RCC1L: variants seen among roughly 807,000 people sequenced by gnomAD.
The protein encoded by RCC1L is RCC1-like G exchanging factor-like protein.
RCC1L carries 46 observed loss-of-function variants against 58.6 expected under a neutral mutation model. That is an observed-to-expected ratio of 0.79 (90% CI 0.62 to 1.00). RCC1L has a LOEUF of 1.00. RCC1L is among the 50% of genes least tolerant of loss of function. The pLI is 0.00. For missense variants in RCC1L, 636 were observed against 623.6 expected (o/e 1.02, Z -0.21); for synonymous variants, 281 against 262.9 (o/e 1.07, Z -0.67).
intron 10 of RCC1L, among the ~76,000 whole-genome samples, chr7:75,047,965 A>G (rs1805782565): frequency 6.8e-6 from 1 of 147,786 alleles, no homozygotes; most frequent in African/African-American, 2.4e-5. Context: ...AAAAAAAAAA[A>G]AAAAAAAAAA....
rs902969204 is a variant in RCC1L, at chr7:75,053,455, T to C, written c.1232-659A>G. Among the ~76,000 whole-genome samples, 102 of 152,306 alleles carry C rather than the reference T, an allele frequency of 6.7e-4. No individual in the cohort carries two copies. In the East Asian group the frequency reaches 0.019, roughly 28 times the overall value. On this transcript the variant is annotated intron_variant, in intron 9 of 10. Coordinates refer to ENST00000610322, the MANE Select transcript of RCC1L (RefSeq NM_030798.5). ...AGACAATTTGTCATTCCTGGATTGA[T>C]TGTCCATATCTTGGGAGCATTCAGC...
At chr7:75,036,478 C>T (rs1805433020) in intron 10 of RCC1L, among the ~76,000 whole-genome samples, 1 of 152,116 alleles carries the variant, frequency 6.6e-6, no homozygotes, top group Non-Finnish European at 1.5e-5. Context: ...AGGTGGCAGA[C>T]CAGCCACAAG....
At position 75,055,961 on chromosome 7, in the gene RCC1L, T is replaced by C. The variant is rs1264978358; in HGVS notation, c.1171A>G (p.Asn391Asp). ...PPTLFGLTEFNPEIQVSRIRC... is the reference protein window; with the variant it reads ...PPTLFGLTEFDPEIQVSRIRC... ...ATGCGGGAAACCTGGATTTCTGGGT[T>C]GAACTCCGTCAAGCCAAAGAGAGTG... is the stretch of plus-strand genomic sequence containing the variant. Residue 391 changes from asparagine (N) to aspartate (D), a missense_variant, in exon 9 of 11, where the codon AAC (asparagine) becomes GAC (aspartate). By Grantham distance (23) the Asn-to-Asp change is conservative (BLOSUM62 1). Transcript: ENST00000610322. 2 of 1,613,966 alleles carry C rather than the reference T, an allele frequency of 1.2e-6. No homozygotes were observed. Among genetic ancestry groups the C allele is most frequent in the East Asian group, 2.2e-5 (1 of 44,880 alleles).
Position 75,058,646 on chromosome 7 carries a change from A to C in RCC1L, c.911T>G (p.Leu304Arg). ...GTACTCCGAGTTTCCCCAACCAAAA[A>C]GTCCTCCGTCGGCGGACACGGCCAG... is the stretch of plus-strand genomic sequence containing the variant. ...CCLAVSADGG[L>R]FGWGNSEYLQ... Residue 304 changes from leucine (L) to arginine (R), a missense_variant, in exon 7 of 11, where the codon CTT becomes CGT. Coordinates refer to ENST00000610322, the MANE Select transcript of RCC1L (RefSeq NM_030798.5). 1.9e-6 allele frequency: 3 copies of C among 1,613,590 alleles called. No homozygotes were observed. The highest frequency in any genetic ancestry group is 2.5e-6 in the Non-Finnish European group (3 of 1,179,716).
intron 10 of RCC1L, among the ~76,000 whole-genome samples, chr7:75,049,297 T>C (rs1211412255): frequency 6.8e-6 from 1 of 146,536 alleles, no homozygotes; most frequent in African/African-American, 2.8e-5. Flanking sequence ...GAGGCAGAAG[T>C]TTGAGACCAG....
chr7:75,071,845 G>A lies in RCC1L; in HGVS notation c.325-1076C>T, dbSNP rs587704702. Among the ~76,000 whole-genome samples, 119 of 151,878 alleles carry A rather than the reference G, an allele frequency of 7.8e-4. 1 individual carries two copies. Among genetic ancestry groups the A allele is most frequent in the Non-Finnish European group, 8.8e-4 (60 of 67,992 alleles). On this transcript the variant is annotated intron_variant, in intron 1 of 10. Coordinates refer to ENST00000610322, the MANE Select transcript of RCC1L (RefSeq NM_030798.5). ...ACCATCTCTCTCACTAAGCTGTTGT[G>A]AAGACTAAACGAGTTAATATAGCTA...
chr7:75,033,463 G>A (rs907507345), intron 10 of RCC1L, among the ~76,000 whole-genome samples: 2 of 152,148 alleles, frequency 1.3e-5, no homozygotes, highest in African/African-American at 4.8e-5. Flanking sequence ...TTGGGAGGCC[G>A]AGGCAGGCAG....
rs142341359 is a variant in RCC1L, at chr7:75,055,920, G to A, written c.1212C>T (p.Ser404=). ...IQVSRIRCGL[S]HFAALTNKGE... is the part of the protein sequence containing the mutation. ...ACTTACTGGTCAGTGCAGCAAAGTG[G>A]CTGAGTCCACATCGGATGCGGGAAA... The change falls in exon 9 of 11, where the codon AGC becomes AGT. Residue 404 remains serine, a synonymous_variant. Transcript: ENST00000610322. 1.2e-6 allele frequency: 2 copies of A among 1,613,856 alleles called. No homozygotes were observed. Among genetic ancestry groups the A allele is most frequent in the African/African-American group, 2.7e-5 (2 of 74,918 alleles).
chr7:75,031,793 GT>G (rs1194028393), intron 10 of RCC1L, among the ~76,000 whole-genome samples: 130 of 152,320 alleles, frequency 8.5e-4, no homozygotes, highest in South Asian at 7.9e-3. Context: ...AATTCAGGAA[GT>G]TTGGCTGAGT....
intron 10 of RCC1L, among the ~76,000 whole-genome samples, chr7:75,043,567 C>A (rs1805628636): frequency 1.3e-5 from 2 of 152,180 alleles, no homozygotes; most frequent in Non-Finnish European, 2.9e-5. Context: ...CTATGGCTCA[C>A]TAAGAAGCTC....
intron 3 of RCC1L, among the ~76,000 whole-genome samples, chr7:75,065,558 TAA>T (rs55907118): frequency 1.3e-5 from 2 of 150,612 alleles, no homozygotes; most frequent in Non-Finnish European, 3.0e-5. Context: ...CCGTCTCAGA[TAA>T]AAAAAAAGAA....
At chr7:75,061,150 C>A (rs935338067) in intron 6 of RCC1L, 57 bp downstream of exon 6, 2 of 1,430,212 alleles carry the variant, frequency 1.4e-6, no homozygotes, top group East Asian at 4.6e-5. Context: ...CAGCTCACAG[C>A]TCCACATGAC....
intron 10 of RCC1L, among the ~76,000 whole-genome samples, chr7:75,049,646 C>G (rs587633096): frequency 6.7e-6 from 1 of 148,194 alleles, no homozygotes; most frequent in Non-Finnish European, 1.5e-5. Context: ...CCAGCCTGGG[C>G]GACAAAGCAA....
At chr7:75,029,856 G>C (rs1805252056) in intron 10 of RCC1L, among the ~76,000 whole-genome samples, 1 of 152,206 alleles carries the variant, frequency 6.6e-6, no homozygotes, top group Non-Finnish European at 1.5e-5. Context: ...GTTAGGCCTG[G>C]TGGGGGCCCA....
At chr7:75,059,612 T>C (rs1806209712) in intron 6 of RCC1L, among the ~76,000 whole-genome samples, 5 of 151,960 alleles carry the variant, frequency 3.3e-5, no homozygotes, top group Admixed American at 3.3e-4. Flanking sequence ...CATCTCACTA[T>C]GTTGCCCAGG....
chr7:75,070,396 C>A (rs1486080422), intron 2 of RCC1L, among the ~76,000 whole-genome samples: 3 of 152,026 alleles, frequency 2.0e-5, no homozygotes, highest in African/African-American at 4.8e-5. Flanking sequence ...CATAGTGAAA[C>A]CCCAACTCTA....
At chr7:75,044,340 C>T (rs1056958573) in intron 10 of RCC1L, among the ~76,000 whole-genome samples, 1 of 152,166 alleles carries the variant, frequency 6.6e-6, no homozygotes, top group Admixed American at 6.5e-5. Flanking sequence ...GTGGCTCACA[C>T]CTGTAATCCC....
intron 9 of RCC1L, among the ~76,000 whole-genome samples, chr7:75,053,898 T>C (rs989895854): frequency 9.2e-5 from 14 of 152,138 alleles, no homozygotes; most frequent in African/African-American, 3.1e-4. Context: ...ATAGTTTTTG[T>C]GTGTGTGTGT....
downstream of RCC1L, among the ~76,000 whole-genome samples, chr7:75,039,977 A>T (rs1386935765): frequency 2.0e-5 from 3 of 152,104 alleles, no homozygotes; most frequent in Non-Finnish European, 4.4e-5. Context: ...AGACGCTGAG[A>T]TGCAGGCACA....
Sources: allele counts gnomAD v4.1 joint callset (sites outside exome capture counted in the v4.1 genomes callset), GRCh38; gene constraint gnomAD v4.1.1; transcripts MANE v1.5; gene names NCBI Gene and HGNC (gene_info 2026-07-23, HGNC 2026-07-21).